The following WBP2NL variants were observed in gnomAD, a reference collection of about 807,000 sequenced individuals.
The protein encoded by WBP2NL is postacrosomal sheath WW domain-binding protein.
A neutral mutation model predicts 23.3 loss-of-function variants in WBP2NL; 27 were observed. That is an observed-to-expected ratio of 1.16 (90% CI 0.85 to 1.60). The LOEUF (loss-of-function observed/expected upper bound fraction) is 1.60, where lower values mean the gene tolerates loss of function less well. WBP2NL is among the 40% of genes most tolerant of loss of function. WBP2NL has a pLI of 0.00. For missense variants in WBP2NL, 370 were observed against 389.5 expected (o/e 0.95, Z 0.42); for synonymous variants, 151 against 145.9 (o/e 1.03, Z -0.25).
At position 42,017,224 on chromosome 22, in the gene WBP2NL, TC is replaced by T. The variant is rs1923384449; in HGVS notation, c.63-2084del. ...CTGTGCCCCATGGCTCAAGCAATCTTCCCACCTCAGCCTTCCGAGTAGCTGA... is the reference window on the plus strand; with the variant it reads ...CTGTGCCCCATGGCTCAAGCAATCTTCCACCTCAGCCTTCCGAGTAGCTGA... On this transcript the variant is annotated intron_variant, in intron 1 of 5. Coordinates refer to ENST00000328823, the MANE Select transcript of WBP2NL (RefSeq NM_152613.3). 3.3e-5 allele frequency among the ~76,000 whole-genome samples: 5 copies of T among 152,280 alleles called. No individual in the cohort carries two copies. In the South Asian group the frequency reaches 1.0e-3, roughly 32 times the overall value.
chr22:42,026,273 AAAT>A (rs3045492), intron 5 of WBP2NL, among the ~76,000 whole-genome samples: 7,589 of 140,188 alleles, frequency 0.054, 259 homozygotes, highest in African/African-American at 0.078. Context: ...CCCCCTCTCA[AAAT>A]AATAATAATA....
chr22:42,047,780 C>T (rs1349903355), intron 8 of WBP2NL, among the ~76,000 whole-genome samples: 2 of 143,584 alleles, frequency 1.4e-5, no homozygotes, highest in Non-Finnish European at 2.9e-5. Flanking sequence ...TGCCACCACA[C>T]CTGGCTAACT....
chr22:42,001,063 A>G (rs762052692), intron 1 of WBP2NL: 3 of 855,490 alleles, frequency 3.5e-6, no homozygotes, highest in Middle Eastern at 3.5e-4. Context: ...AATCTTAGGA[A>G]ATAACTTACA....
chr22:42,045,722 C>A (rs1242977595), intron 8 of WBP2NL, among the ~76,000 whole-genome samples: 1 of 152,146 alleles, frequency 6.6e-6, no homozygotes, highest in Non-Finnish European at 1.5e-5. Context: ...AATTAATAAA[C>A]TTCCAAAAAA....
chr22:42,019,434 T>C lies in WBP2NL; in HGVS notation c.171+15T>C. 1.2e-6 allele frequency: 2 copies of C among 1,604,534 alleles called. No individual in the cohort carries two copies. The highest frequency in any genetic ancestry group is 1.7e-6 in the Non-Finnish European group (2 of 1,173,782). ...CTTCATACCGGGTAATTTCTACTTC[T>C]ACTTTAATCTGCTGATTAACTCTAC... On this transcript the variant is annotated intron_variant, in intron 2 of 5. Coordinates refer to ENST00000328823, the MANE Select transcript of WBP2NL (RefSeq NM_152613.3).
chr22:42,047,968 T>C (rs888667170), intron 8 of WBP2NL, among the ~76,000 whole-genome samples: 2 of 151,992 alleles, frequency 1.3e-5, no homozygotes, highest in African/African-American at 4.8e-5. Flanking sequence ...CAGACCAGTA[T>C]CTCTCATAAA....
intron 1 of WBP2NL, 70 bp downstream of exon 1, chr22:41,998,950 A>G (rs1921232657): frequency 5.3e-6 from 8 of 1,520,476 alleles, no homozygotes; most frequent in South Asian, 2.4e-5. Flanking sequence ...GCGGCTCGCA[A>G]ACTCTCAGCG....
At chr22:42,036,547 CAG>C (rs1181278367), downstream of WBP2NL, among the ~76,000 whole-genome samples, 1 of 152,218 alleles carries the variant, frequency 6.6e-6, no homozygotes, top group Non-Finnish European at 1.5e-5. Context: ...ATATTCCTAA[CAG>C]CAGTGTACAA....
At position 42,020,158 on chromosome 22, in the gene WBP2NL, TTTG is replaced by T. The variant is rs142519916; in HGVS notation, c.406+75_406+77del. Reference sequence around the variant, plus strand: ...GTTTTTTGTTTGTTTGTTTGGGTTTTTTGTTGTTGTTGTTGCTGTTGTTGTTGT... The same window carrying T: ...GTTTTTTGTTTGTTTGTTTGGGTTTTTTGTTGTTGTTGCTGTTGTTGTTGT... On this transcript the variant is annotated intron_variant, in intron 4 of 5. Transcript: ENST00000328823. 7,980 of 1,470,174 alleles carry T rather than the reference TTTG, an allele frequency of 5.4e-3. 381 individuals carry two copies. In the African/African-American group the frequency reaches 0.1, roughly 18 times the overall value. 91.1% of individuals were successfully genotyped at this position (1,470,174 alleles called of 1,614,324 possible). A position where few individuals can be genotyped will look rare whatever the true frequency, so the allele number is the denominator to read the frequency against.
chr22:42,006,524 C>T (rs918648380), intron 1 of WBP2NL, among the ~76,000 whole-genome samples: 2 of 152,306 alleles, frequency 1.3e-5, no homozygotes, highest in South Asian at 2.1e-4. Context: ...TGAGCCACCG[C>T]TCCCAGCCGG....
chr22:42,001,893 G>A (rs559989289), intron 1 of WBP2NL: 9 of 1,469,812 alleles, frequency 6.1e-6, no homozygotes, highest in Middle Eastern at 2.1e-4. Context: ...GGGTGCTACC[G>A]CCATCTTGGA....
At chr22:42,019,156 G>A (rs1923632883) in intron 1 of WBP2NL, among the ~76,000 whole-genome samples, 155 bp from the exon 2 acceptor site, 1 of 151,868 alleles carries the variant, frequency 6.6e-6, no homozygotes, top group African/African-American at 2.4e-5. Context: ...GGGAGGCGGA[G>A]CTTGCAGTGA....
chr22:42,011,735 C>T (rs1188804975), intron 1 of WBP2NL, among the ~76,000 whole-genome samples: 3 of 151,532 alleles, frequency 2.0e-5, no homozygotes, highest in African/African-American at 7.3e-5. Flanking sequence ...AACTCCTTGG[C>T]ATCAGTTTTT....
chr22:42,013,672 C>T (rs1435270524), intron 1 of WBP2NL, among the ~76,000 whole-genome samples: 6 of 152,206 alleles, frequency 3.9e-5, no homozygotes, highest in Middle Eastern at 3.4e-3. Flanking sequence ...TGCAGTGGCA[C>T]GATCACAGCT....
intron 1 of WBP2NL, among the ~76,000 whole-genome samples, chr22:42,004,085 A>G (rs1299884282): frequency 1.3e-5 from 2 of 152,192 alleles, no homozygotes; most frequent in East Asian, 1.9e-4. Flanking sequence ...CAGCTGGCCA[A>G]CGTGGTGAAA....
rs1924655493 is a variant in WBP2NL, at chr22:42,027,910, A to G, written c.*729A>G. On this transcript the variant is annotated 3_prime_UTR_variant, in exon 6 of 6. Transcript: ENST00000328823. The stretch of plus-strand genomic sequence containing the variant: ...ATTGCCGAATAACCAAGGCAATAGC[A>G]TGGCCAGAAAACGTTTGAAAAGATG... 5.0e-6 allele frequency: 2 copies of G among 398,376 alleles called. No homozygotes were observed. Among genetic ancestry groups the G allele is most frequent in the African/African-American group, 4.1e-5 (2 of 48,636 alleles). 24.7% of individuals were successfully genotyped at this position (398,376 alleles called of 1,614,324 possible).
chr22:42,007,109 A>G (rs1404865049), intron 1 of WBP2NL, among the ~76,000 whole-genome samples: 3 of 152,230 alleles, frequency 2.0e-5, no homozygotes, highest in East Asian at 1.9e-4. Context: ...ATTTGCCAGT[A>G]TATTGGGAAT....
chr22:42,028,392 A>C lies in WBP2NL; in HGVS notation c.*1211A>C, dbSNP rs114155309. The C allele has an allele frequency of 0.019, 4,280 of 227,182 alleles. 178 individuals carry two copies. Among genetic ancestry groups the C allele is most frequent in the African/African-American group, 0.09 (4,006 of 44,446 alleles). The allele number at this position is 227,182 out of a possible 1,614,324, so 14.1% of individuals were successfully genotyped here. A position where few individuals can be genotyped will look rare whatever the true frequency, so the allele number is the denominator to read the frequency against. On this transcript the variant is annotated 3_prime_UTR_variant, in exon 6 of 6. Transcript: ENST00000328823. ...CTTCACTTCAATGAAGTTTGTAGAT[A>C]ATTGCATATGATTCCACACCATTTC...
chr22:42,011,605 A>G (rs1273715285), intron 1 of WBP2NL, among the ~76,000 whole-genome samples: 3 of 151,894 alleles, frequency 2.0e-5, no homozygotes, highest in Non-Finnish European at 2.9e-5. Context: ...TGGTCTGTTT[A>G]TATTTTATGT....
Sources: gnomAD v4.1 joint callset for allele counts (sites outside exome capture counted in the v4.1 genomes callset) on GRCh38, gnomAD v4.1.1 for gene constraint, MANE v1.5 for transcripts, NCBI Gene and HGNC (gene_info 2026-07-23, HGNC 2026-07-21) for gene names.